Variants in STARD9 observed in about 807,000 individuals in gnomAD.
STARD9 encodes stAR-related lipid transfer protein 9.
STARD9 carries 346 observed loss-of-function variants against 399.8 expected under a neutral mutation model. That is an observed-to-expected ratio of 0.87 (90% CI 0.79 to 0.95). The LOEUF is 0.95. Ranked by LOEUF, STARD9 falls within the 40% of genes least tolerant of loss-of-function variation. STARD9 has a pLI of 0.00. For missense variants in STARD9, 5,832 were observed against 5,667.5 expected, an observed-to-expected ratio of 1.03 and a Z score of -0.93; for synonymous variants, 2,203 against 2,143.5, an observed-to-expected ratio of 1.03 and a Z score of -0.77.
At chr15:42,606,929 A>G (rs140424420) in intron 3 of STARD9, among the ~76,000 whole-genome samples, 1 of 152,100 alleles carries the variant, frequency 6.6e-6, no homozygotes, top group African/African-American at 2.4e-5. Flanking sequence ...TCTGACCCAG[A>G]GGCTGGGTTT....
At chr15:42,647,966 C>T (rs1205390646) in intron 7 of STARD9, among the ~76,000 whole-genome samples, 2 of 152,172 alleles carry the variant, frequency 1.3e-5, no homozygotes, top group Admixed American at 1.3e-4. Flanking sequence ...ACTGGTTGTT[C>T]TGCTTCTTCC....
intron 4 of STARD9, among the ~76,000 whole-genome samples, chr15:42,637,321 T>G (rs1432258187): frequency 6.6e-6 from 1 of 152,046 alleles, no homozygotes; most frequent in Non-Finnish European, 1.5e-5. Flanking sequence ...CAAGTGATCC[T>G]CCCACCTTAG....
rs184213143 is a variant in STARD9 at position 42,673,959 on chromosome 15, A to T, written c.1498-481A>T. On this transcript the variant is annotated intron_variant, in intron 16 of 32. Transcript: ENST00000290607. ...TCTGTTAAACTTCATCTGCGGACCAAGAAGGTAAAAATCCTGTGTTTCCAT... is the reference window on the plus strand; with the variant it reads ...TCTGTTAAACTTCATCTGCGGACCATGAAGGTAAAAATCCTGTGTTTCCAT... 103 of 456,554 alleles carry T rather than the reference A, an allele frequency of 2.3e-4. No homozygotes were observed. The East Asian group carries it at 6.0e-3, about 26-fold the overall frequency. The allele number at this position is 456,554 out of a possible 1,614,324, so 28.3% of individuals were successfully genotyped here.
In STARD9 at chr15:42,686,737, C is replaced by T. The variant is rs7161810; in HGVS notation, c.5159C>T (p.Pro1720Leu). The T allele has an allele frequency of 3.9e-6, 6 of 1,537,476 alleles. No individual in the cohort carries two copies. The highest frequency in any genetic ancestry group is 1.2e-5 in the South Asian group (1 of 84,060). ...CACATAAATGTTTCCTTTGCCCTTC[C>T]TTCAGGTCCAGAGCTATACCTTCAC... ...RRHINVSFAL[P>L]SGPELYLHSA... Residue 1720 changes from proline to leucine, a missense_variant, in exon 23 of 33, where the codon CCT (proline) becomes CTT (leucine). Transcript: ENST00000290607.
At position 42,605,879 on chromosome 15, in the gene STARD9, G is replaced by C. The variant is rs558099921; in HGVS notation, c.234+20242G>C. ...ATCTTGTTTGTGGTGGTGTTGTGGCGATGTTTAAAGCACAAACATGTCGTG... is the reference window on the plus strand; with the variant it reads ...ATCTTGTTTGTGGTGGTGTTGTGGCCATGTTTAAAGCACAAACATGTCGTG... On this transcript the variant is annotated intron_variant, in intron 3 of 32. Transcript: ENST00000290607. Among the ~76,000 whole-genome samples, 101 of 152,244 alleles carry C rather than the reference G, an allele frequency of 6.6e-4. 1 individual carries two copies. The highest frequency in any genetic ancestry group is 2.4e-3 in the African/African-American group (98 of 41,546).
At position 42,684,330 on chromosome 15, in the gene STARD9, CCA is replaced by C. The variant is rs780255042; in HGVS notation, c.2753_2754del (p.Pro918ArgfsTer21). The C allele has an allele frequency of 7.2e-6, 11 of 1,536,388 alleles. No homozygotes were observed. The highest frequency in any genetic ancestry group is 8.7e-6 in the Non-Finnish European group (10 of 1,146,454). ...CTTGGCCAGGAAGGGAGCCTCAGCT[CCA>C]GACGCTTGCCTCACCATGAGTCCCA... ...AALARKGASA[P>X]DACLTMSPNS... is the part of the protein sequence containing the mutation. On this transcript the variant is annotated frameshift_variant, in exon 23 of 33. Coordinates refer to ENST00000290607, the MANE Select transcript of STARD9 (RefSeq NM_020759.3). LOFTEE classifies it high-confidence loss of function.
intron 3 of STARD9, among the ~76,000 whole-genome samples, chr15:42,620,598 C>T (rs1171530443): frequency 1.3e-5 from 2 of 152,166 alleles, no homozygotes; most frequent in Non-Finnish European, 2.9e-5. Context: ...TTAAGTTCAG[C>T]ATCACTTGTT....
At position 42,637,944 on chromosome 15, in the gene STARD9, A is replaced by G; in HGVS notation, c.384+5A>G. The G allele has an allele frequency of 6.5e-7, 1 of 1,537,286 alleles. No individual in the cohort carries two copies. The highest frequency in any genetic ancestry group is 8.7e-7 in the Non-Finnish European group (1 of 1,146,920). On this transcript the variant is annotated splice_donor_5th_base_variant and intron_variant, in intron 5 of 32. Transcript: ENST00000290607. ...TTGACACCACGGATATGTGAGGTATAGACTATCTTTTGGCTGGATCCTCTC... is the reference window on the plus strand; with the variant it reads ...TTGACACCACGGATATGTGAGGTATGGACTATCTTTTGGCTGGATCCTCTC...
intron 3 of STARD9, among the ~76,000 whole-genome samples, chr15:42,632,178 T>A (rs1031361210): frequency 1.3e-4 from 20 of 152,212 alleles, no homozygotes; most frequent in Admixed American, 6.5e-5. Context: ...AATTGACCCC[T>A]TTCTGATTAT....
chr15:42,672,781 T>G (rs1341986111), intron 16 of STARD9: 1 of 152,176 alleles, frequency 6.6e-6, no homozygotes. Flanking sequence ...TGAAGCCTAG[T>G]GGGGAATTCT....
At chr15:42,611,533 GT>G (rs2058849858) in intron 3 of STARD9, among the ~76,000 whole-genome samples, 1 of 152,076 alleles carries the variant, frequency 6.6e-6, no homozygotes, top group Non-Finnish European at 1.5e-5. Context: ...CCCTTCTTGG[GT>G]TTTGCCTATG....
At chr15:42,576,262 C>G (rs746933822) in intron 1 of STARD9, among the ~76,000 whole-genome samples, 5 of 152,140 alleles carry the variant, frequency 3.3e-5, no homozygotes, top group Non-Finnish European at 7.4e-5. Context: ...TTTCTATGCT[C>G]GACAGCTGAT....
chr15:42,712,423 T>C (rs1361501619), intron 26 of STARD9, among the ~76,000 whole-genome samples: 2 of 151,832 alleles, frequency 1.3e-5, no homozygotes, highest in African/African-American at 4.8e-5. Flanking sequence ...TGCCTATGTT[T>C]TCTTCTAAGA....
chr15:42,585,490 A>G, intron 2 of STARD9, 31 bp from the exon 3 acceptor site: 1 of 1,456,450 alleles, frequency 6.9e-7, no homozygotes, highest in East Asian at 2.5e-5. Flanking sequence ...ATTATGATAG[A>G]AAAGACACTG....
intron 7 of STARD9, among the ~76,000 whole-genome samples, chr15:42,643,878 A>G (rs1395502922): frequency 3.3e-5 from 5 of 152,158 alleles, no homozygotes; most frequent in Non-Finnish European, 7.3e-5. Flanking sequence ...ATAATTTCCA[A>G]TATGATTTCT....
At position 42,686,162 on chromosome 15, in the gene STARD9, A is replaced by T. The variant is rs1472912251; in HGVS notation, c.4584A>T (p.Gly1528=). ...TGGCCCAAGCTTCTAGCAAAGGAGG[A>T]GATACTCTATTGCCAGTTGGCCCTA... ...GSLAQASSKG[G]DTLLPVGPRV... is the part of the protein sequence containing the mutation. Residue 1528 remains glycine (G), a synonymous_variant, in exon 23 of 33, where the codon GGA becomes GGT. Coordinates refer to ENST00000290607, the MANE Select transcript of STARD9 (RefSeq NM_020759.3). 1 of 1,537,408 alleles carries T rather than the reference A, an allele frequency of 6.5e-7. No homozygotes were observed.
intron 3 of STARD9, among the ~76,000 whole-genome samples, chr15:42,621,385 C>T (rs994317635): frequency 2.6e-5 from 4 of 152,130 alleles, no homozygotes; most frequent in African/African-American, 9.7e-5. Context: ...CTGTTACTAT[C>T]ATTGCTTATT....
In STARD9 at chr15:42,688,224, C is replaced by G; in HGVS notation, c.6646C>G (p.Leu2216Val). ...LARALPLQPRLERSSKNNGQF... is the reference protein window; with the variant it reads ...LARALPLQPRVERSSKNNGQF... ...TAGAGCTCTGCCATTGCAACCCAGG[C>G]TAGAGAGGTCTTCTAAGAATAATGG... Residue 2216 changes from leucine (L) to valine (V), a missense_variant, in exon 23 of 33, where the codon CTA becomes GTA. Coordinates refer to ENST00000290607, the MANE Select transcript of STARD9 (RefSeq NM_020759.3). 5 of 1,537,478 alleles carry G rather than the reference C, an allele frequency of 3.3e-6. No individual in the cohort carries two copies. The highest frequency in any genetic ancestry group is 4.4e-6 in the Non-Finnish European group (5 of 1,146,988).
rs372616226 is a variant in STARD9, at chr15:42,690,384, GGCA to G, written c.8811_8813del (p.Ser2937del). On this transcript the variant is annotated inframe_deletion, in exon 23 of 33. Transcript: ENST00000290607. ...CCCTGTCTTCTCAAGGAACCCTGAA[GGCA>G]GCAGGACTCTCAGCCCGTCTAGAGG... 1,138 of 1,537,260 alleles carry G rather than the reference GGCA, an allele frequency of 7.4e-4. 13 individuals carry two copies. The African/African-American group carries it at 0.014, about 19-fold the overall frequency.
Sources: allele counts gnomAD v4.1 joint callset (sites outside exome capture counted in the v4.1 genomes callset), GRCh38; gene constraint gnomAD v4.1.1; transcripts MANE v1.5; gene names NCBI Gene and HGNC (gene_info 2026-07-23, HGNC 2026-07-21).